The following STK32A variants were observed in gnomAD, a reference collection of about 807,000 sequenced individuals.
STK32A encodes the protein serine/threonine-protein kinase 32A.
Under a neutral mutation model 53.2 loss-of-function variants are expected in STK32A, and 41 were observed. The observed-to-expected ratio is 0.77, with a 90% CI of 0.60 to 1.00. The LOEUF (loss-of-function observed/expected upper bound fraction) is 1.00, where lower values mean the gene tolerates loss of function less well. Among genes scored for constraint, STK32A ranks in the 50% least tolerant of loss-of-function variants. STK32A has a pLI of 0.00. For missense variants in STK32A, 458 were observed against 485.8 expected, an observed-to-expected ratio of 0.94 and a Z score of 0.54; for synonymous variants, 166 against 162.8, an observed-to-expected ratio of 1.02 and a Z score of -0.15.
intron 2 of STK32A, among the ~76,000 whole-genome samples, chr5:147,256,836 A>G (rs35294904): frequency 0.24 from 36,106 of 152,008 alleles, 4,707 homozygotes; most frequent in Admixed American, 0.33. Context: ...AGTTTTTACA[A>G]TAGCTATCTT....
chr5:147,310,915 A>C (rs1309699568), intron 4 of STK32A, among the ~76,000 whole-genome samples: 1 of 152,202 alleles, frequency 6.6e-6, no homozygotes, highest in Non-Finnish European at 1.5e-5. Context: ...CTCCAGAGCC[A>C]GTATATGTAA....
chr5:147,362,589 C>A (rs1756558799), intron 8 of STK32A, among the ~76,000 whole-genome samples: 1 of 152,192 alleles, frequency 6.6e-6, no homozygotes, highest in African/African-American at 2.4e-5. Flanking sequence ...ACATTCTATC[C>A]TTGACCCCTC....
chr5:147,260,157 C>CTG (rs1302982733), intron 2 of STK32A, among the ~76,000 whole-genome samples: 2 of 63,964 alleles, frequency 3.1e-5, no homozygotes, highest in African/African-American at 1.4e-4. Flanking sequence ...TGTCTCTCTC[C>CTG]TCTCTGTCTC....
At chr5:147,399,697 T>G in the STK32A span, among the ~76,000 whole-genome samples, 330 of 152,316 alleles carry the variant, frequency 2.2e-3, 1 homozygote, top group African/African-American at 7.7e-3. Flanking sequence ...GTTGTGGAAT[T>G]GAGATATTTT....
At chr5:147,266,292 T>A (rs1754805876) in intron 2 of STK32A, among the ~76,000 whole-genome samples, 5 of 152,166 alleles carry the variant, frequency 3.3e-5, no homozygotes, top group African/African-American at 1.2e-4. Flanking sequence ...AGTAAGTCGA[T>A]GAGTGAGGCT....
intron 2 of STK32A, among the ~76,000 whole-genome samples, chr5:147,259,084 C>T (rs188432848): frequency 4.1e-4 from 62 of 152,202 alleles, no homozygotes; most frequent in African/African-American, 1.4e-3. Flanking sequence ...CTCAATCACC[C>T]GGGAGGAACC....
intron 5 of STK32A, among the ~76,000 whole-genome samples, chr5:147,342,294 A>G (rs1481436463): frequency 6.6e-6 from 1 of 152,192 alleles, no homozygotes; most frequent in African/African-American, 2.4e-5. Context: ...AAACAGAACC[A>G]AGTGTGTGAT....
At chr5:147,327,419 A>G (rs190329760) in intron 5 of STK32A, among the ~76,000 whole-genome samples, 2 of 152,380 alleles carry the variant, frequency 1.3e-5, no homozygotes, top group South Asian at 2.1e-4. Context: ...AAAAGAATCA[A>G]TGAAAGTACA....
intron 1 of STK32A, 60 bp downstream of exon 1, chr5:147,235,259 T>A (rs187165124): frequency 6.6e-6 from 1 of 152,288 alleles, no homozygotes; most frequent in Non-Finnish European, 1.5e-5. Context: ...AAGGGTACTG[T>A]TGGGAAGCTA....
In STK32A at chr5:147,383,428, G is replaced by C; in HGVS notation, c.1033-13G>C. The C allele has an allele frequency of 1.3e-6, 2 of 1,585,004 alleles. No homozygotes were observed. The highest frequency in any genetic ancestry group is 1.2e-5 in the South Asian group (1 of 86,364). Reference sequence around the variant, plus strand: ...AACTATACCTCTATTTTTTTTCTACGTTCACCTGGAAGACATGTCTTCTTC... The same window carrying C: ...AACTATACCTCTATTTTTTTTCTACCTTCACCTGGAAGACATGTCTTCTTC... On this transcript the variant is annotated splice_polypyrimidine_tract_variant and intron_variant, in intron 11 of 12. Transcript: ENST00000397936.
At chr5:147,245,048 A>AT (rs1294662110) in intron 2 of STK32A, among the ~76,000 whole-genome samples, 1 of 152,230 alleles carries the variant, frequency 6.6e-6, no homozygotes, top group African/African-American at 2.4e-5. Context: ...AGAACGGCAG[A>AT]TTTTATGGAT....
chr5:147,236,372 AATG>A (rs1753319135), intron 1 of STK32A, among the ~76,000 whole-genome samples: 2 of 152,076 alleles, frequency 1.3e-5, no homozygotes, highest in African/African-American at 4.8e-5. Context: ...CACATCTCAA[AATG>A]ATGCTTAGGT....
intron 5 of STK32A, 90 bp from the exon 6 acceptor site, chr5:147,342,916 C>G: frequency 8.9e-7 from 1 of 1,126,230 alleles, no homozygotes. Context: ...GTTTCAACTC[C>G]AGTTAGCTTT....
Position 147,384,576 on chromosome 5 carries a change from C to A in STK32A, c.*593C>A. ...GTGAATCAGCATTAGATCCGCTTAT[C>A]TCAGCTGGCAGGAGCCTGCTGTGCA... On this transcript the variant is annotated 3_prime_UTR_variant, in exon 13 of 13. Coordinates refer to ENST00000397936, the MANE Select transcript of STK32A (RefSeq NM_001112724.2). 1 of 651,776 alleles carries A rather than the reference C, an allele frequency of 1.5e-6. No homozygotes were observed. Among genetic ancestry groups the A allele is most frequent in the Non-Finnish European group, 2.5e-6 (1 of 399,276 alleles). 40.4% of individuals were successfully genotyped at this position (651,776 alleles called of 1,614,324 possible). A position where few individuals can be genotyped will look rare whatever the true frequency, so the allele number is the denominator to read the frequency against.
intron 2 of STK32A, among the ~76,000 whole-genome samples, chr5:147,274,891 G>T (rs575945986): frequency 2.6e-5 from 4 of 152,016 alleles, no homozygotes; most frequent in Non-Finnish European, 5.9e-5. Flanking sequence ...TAATCTCAGT[G>T]GTCATCAAAC....
intron 2 of STK32A, among the ~76,000 whole-genome samples, chr5:147,249,228 A>G (rs962875989): frequency 2.0e-5 from 3 of 152,148 alleles, no homozygotes; most frequent in African/African-American, 7.2e-5. Context: ...TTTTATAGTG[A>G]GAACCTAGGT....
intron 5 of STK32A, among the ~76,000 whole-genome samples, chr5:147,336,229 G>T (rs1581109220): frequency 6.6e-6 from 1 of 152,076 alleles, no homozygotes; most frequent in African/African-American, 2.4e-5. Flanking sequence ...TGTTTAATCA[G>T]CATACACTGG....
At chr5:147,397,453 C>A in the STK32A span, among the ~76,000 whole-genome samples, 1 of 152,078 alleles carries the variant, frequency 6.6e-6, no homozygotes, top group Non-Finnish European at 1.5e-5. Flanking sequence ...TGGGAAAAGT[C>A]ATTTGGGAAA....
chr5:147,347,905 G>A (rs1561737914), intron 6 of STK32A, among the ~76,000 whole-genome samples: 1 of 152,156 alleles, frequency 6.6e-6, no homozygotes, highest in African/African-American at 2.4e-5. Flanking sequence ...GTTTAGCTCA[G>A]AAGCACCAGG....
Sources: allele counts gnomAD v4.1 joint callset (sites outside exome capture counted in the v4.1 genomes callset), GRCh38; gene constraint gnomAD v4.1.1; transcripts MANE v1.5; gene names NCBI Gene and HGNC (gene_info 2026-07-23, HGNC 2026-07-21).